Variants in PRRC2B observed in about 807,000 individuals in gnomAD.
PRRC2B encodes the protein proline rich coiled-coil 2B.
A neutral mutation model predicts 242.3 loss-of-function variants in PRRC2B; 68 were observed. The ratio of observed to expected loss-of-function variants is 0.28; its 90% CI spans 0.23 to 0.34. PRRC2B has a LOEUF of 0.34. Among genes scored for constraint, PRRC2B ranks in the 10% least tolerant of loss-of-function variants. PRRC2B has a pLI of 1.00. For missense variants in PRRC2B, 2,835 were observed against 2,954.8 expected (o/e 0.96, Z 0.94); for synonymous variants, 1,228 against 1,173.6 (o/e 1.05, Z -0.95).
chr9:131,455,835 G>A (rs1351318093), intron 10 of PRRC2B, among the ~76,000 whole-genome samples: 2 of 152,048 alleles, frequency 1.3e-5, no homozygotes, highest in African/African-American at 2.4e-5. Context: ...ACTGGGGGCC[G>A]GGCACGGCGG....
chr9:131,402,945 C>T (rs781178064), intron 1 of PRRC2B, among the ~76,000 whole-genome samples: 26 of 152,158 alleles, frequency 1.7e-4, no homozygotes, highest in Non-Finnish European at 3.7e-4. Context: ...TCCGGGAAGC[C>T]GGCGTCAACT....
chr9:131,405,413 C>T (rs1837335031), intron 1 of PRRC2B, among the ~76,000 whole-genome samples: 1 of 152,208 alleles, frequency 6.6e-6, no homozygotes, highest in Admixed American at 6.5e-5. Flanking sequence ...TTTCTCATAG[C>T]CCCGTCTTTC....
At chr9:131,471,327 T>A (rs1301472978) in intron 14 of PRRC2B, among the ~76,000 whole-genome samples, 1 of 152,232 alleles carries the variant, frequency 6.6e-6, no homozygotes, top group Non-Finnish European at 1.5e-5. Flanking sequence ...AGTGCCTTTT[T>A]AAAATCAGTA....
rs750878951 is a variant in PRRC2B, at chr9:131,474,721, A to G, written c.2592A>G (p.Lys864=). 6.2e-7 allele frequency: 1 copy of G among 1,612,672 alleles called. No individual in the cohort carries two copies. Among genetic ancestry groups the G allele is most frequent in the Non-Finnish European group, 8.5e-7 (1 of 1,179,454 alleles). The change falls in exon 16 of 32, where the codon AAA becomes AAG. Residue 864 remains lysine, a synonymous_variant. Coordinates refer to ENST00000683519, the MANE Select transcript of PRRC2B (RefSeq NM_013318.4). ...AGCCTGACTTTGTCCCAGATGAGAA[A>G]AAGCCAGAGTGTGGCAGTTGGGATG... is the stretch of plus-strand genomic sequence containing the variant. ...PLEPDFVPDE[K]KPECGSWDVS... is the part of the protein sequence containing the mutation.
At chr9:131,489,825 C>CTT (rs1332479672) in intron 28 of PRRC2B, among the ~76,000 whole-genome samples, 5 of 152,146 alleles carry the variant, frequency 3.3e-5, no homozygotes, top group African/African-American at 1.2e-4. Context: ...AGACGAGCTG[C>CTT]AGTGCTGACC....
intron 1 of PRRC2B, among the ~76,000 whole-genome samples, chr9:131,405,723 G>A (rs1837343680): frequency 6.6e-6 from 1 of 152,134 alleles, no homozygotes; most frequent in Admixed American, 6.6e-5. Context: ...GGCTCCTGGG[G>A]GGGTTATTGT....
At chr9:131,481,952 A>G (rs1407718914) in intron 20 of PRRC2B, 144 bp downstream of exon 20, 1 of 752,768 alleles carries the variant, frequency 1.3e-6, no homozygotes, top group Non-Finnish European at 2.3e-6. Context: ...CATGGGGCCA[A>G]GCTCATCAGT....
chr9:131,396,949 A>G (rs571809269), intron 1 of PRRC2B, among the ~76,000 whole-genome samples: 62 of 152,246 alleles, frequency 4.1e-4, no homozygotes, highest in African/African-American at 1.4e-3. Flanking sequence ...TCTGCATTTT[A>G]TTGGGGAATT....
At chr9:131,445,854 A>C (rs1838783679) in intron 6 of PRRC2B, among the ~76,000 whole-genome samples, 1 of 152,262 alleles carries the variant, frequency 6.6e-6, no homozygotes, top group Non-Finnish European at 1.5e-5. Context: ...AAGACAGGTC[A>C]GCAGGTTTCC....
At chr9:131,395,771 G>C (rs984289070) in intron 1 of PRRC2B, among the ~76,000 whole-genome samples, 8 of 152,240 alleles carry the variant, frequency 5.3e-5, no homozygotes, top group African/African-American at 1.4e-4. Flanking sequence ...CGCTTATACA[G>C]TGCTGAGCCT....
Position 131,475,325 on chromosome 9 carries a change from G to C in PRRC2B, c.3196G>C (p.Gly1066Arg), listed in dbSNP as rs768495077. The C allele has an allele frequency of 3.1e-6, 5 of 1,595,226 alleles. No individual in the cohort carries two copies. Among genetic ancestry groups the C allele is most frequent in the Non-Finnish European group, 4.3e-6 (5 of 1,171,754 alleles). The change falls in exon 16 of 32, where the codon GGC becomes CGC. Residue 1066 changes from glycine to arginine, a missense_variant. This residue lies in a region of PRRC2B where 1,536 missense variants were observed against 1,483.1 expected (regional missense o/e 1.04). Transcript: ENST00000683519. ...CTTTGGGGTCAGAGGACAGGCCCGG[G>C]GCCGGGGCCGTGGTTTCAGAGAGTT... ...QAFGVRGQARGRGRGFREFTF... is the reference protein window; with the variant it reads ...QAFGVRGQARRRGRGFREFTF...
chr9:131,417,478 C>T lies in PRRC2B; in HGVS notation c.-51-12616C>T, dbSNP rs141156447. On this transcript the variant is annotated intron_variant, in intron 1 of 31. Transcript: ENST00000683519. ...CCCCACATCTGAGTTCCCACCTTCCCCTTTCATGCAAGGTGCCTGCCACCT... is the reference window on the plus strand; with the variant it reads ...CCCCACATCTGAGTTCCCACCTTCCTCTTTCATGCAAGGTGCCTGCCACCT... Among the ~76,000 whole-genome samples the T allele has an allele frequency of 4.2e-3, 636 of 152,226 alleles. 5 individuals are homozygous for T. Among genetic ancestry groups the T allele is most frequent in the African/African-American group, 0.015 (606 of 41,538 alleles).
At chr9:131,420,471 T>TCTTTCTCTCTTTCTCTCTTTCTC (rs1288013182) in intron 1 of PRRC2B, among the ~76,000 whole-genome samples, 37 of 19,738 alleles carry the variant, frequency 1.9e-3, no homozygotes, top group Admixed American at 2.7e-3. Context: ...CTTTCTTTCT[T>TCTTTCTCTCTTTCTCTCTTTCTC]TCTTTCTTTC....
chr9:131,473,503 T>C lies in PRRC2B; in HGVS notation c.2108-5T>C. On this transcript the variant is annotated splice_region_variant and splice_polypyrimidine_tract_variant and intron_variant, in intron 14 of 31. Coordinates refer to ENST00000683519, the MANE Select transcript of PRRC2B (RefSeq NM_013318.4). Reference sequence around the variant, plus strand: ...ATGATGTAGATCAGTCTTTGCCTTCTTCAGGACTGATGAAGCCCATGATGC... The same window carrying C: ...ATGATGTAGATCAGTCTTTGCCTTCCTCAGGACTGATGAAGCCCATGATGC... 5 of 1,587,704 alleles carry C rather than the reference T, an allele frequency of 3.1e-6. No individual in the cohort carries two copies. Among genetic ancestry groups the C allele is most frequent in the South Asian group, 1.1e-5 (1 of 87,458 alleles).
chr9:131,388,303 C>T (rs145533190), intron 1 of PRRC2B, among the ~76,000 whole-genome samples: 3,830 of 137,862 alleles, frequency 0.028, 201 homozygotes, highest in African/African-American at 0.094. Flanking sequence ...TGCAGTGGTG[C>T]AATCTTGGCT....
intron 1 of PRRC2B, among the ~76,000 whole-genome samples, chr9:131,428,280 G>A (rs1212811865): frequency 6.6e-6 from 1 of 151,876 alleles, no homozygotes; most frequent in African/African-American, 2.4e-5. Flanking sequence ...GAGTACAGTG[G>A]CCTGATCATA....
intron 9 of PRRC2B, among the ~76,000 whole-genome samples, chr9:131,450,267 A>ATT (rs368794681): frequency 1.3e-4 from 19 of 145,478 alleles, no homozygotes; most frequent in African/African-American, 1.8e-4. Context: ...GACATCTTAA[A>ATT]TTTTTTTTTT....
rs920719720 is a variant in PRRC2B at position 131,496,483 on chromosome 9, C to T, written c.*609C>T. On this transcript the variant is annotated 3_prime_UTR_variant, in exon 32 of 32. Transcript: ENST00000683519. ...GAGGTGACTCTTAAGAATGCATCCC[C>T]TCCTGATTCCTCAGCTGGTTCACCC... 6.6e-6 allele frequency: 1 copy of T among 152,232 alleles called. No homozygotes were observed. Among genetic ancestry groups the T allele is most frequent in the Non-Finnish European group, 1.5e-5 (1 of 68,064 alleles). The allele number at this position is 152,232 out of a possible 1,614,324, so 9.4% of individuals were successfully genotyped here. A position where few individuals can be genotyped will look rare whatever the true frequency, so the allele number is the denominator to read the frequency against.
rs761989621 is a variant in PRRC2B, at chr9:131,444,194, G to A, written c.479G>A (p.Gly160Asp). The A allele has an allele frequency of 1.9e-6, 3 of 1,613,950 alleles. No individual in the cohort carries two copies. The highest frequency in any genetic ancestry group is 8.5e-7 in the Non-Finnish European group (1 of 1,179,876). The change falls in exon 6 of 32, where the codon GGC (glycine) becomes GAC (aspartate). Residue 160 changes from glycine to aspartate, a missense_variant. Coordinates refer to ENST00000683519, the MANE Select transcript of PRRC2B (RefSeq NM_013318.4). ...CCCGTCTTCTTGACAGGTTTAAGGG[G>A]CTCAAGCCGACTGTTATCCTTCTCT... ...KPVGHEGGLR[G>D]SSRLLSFSPE... is the part of the protein sequence containing the mutation.
Sources: allele counts gnomAD v4.1 joint callset (sites outside exome capture counted in the v4.1 genomes callset), GRCh38; gene constraint gnomAD v4.1.1; regional missense constraint gnomAD v4.1.1; transcripts MANE v1.5; gene names NCBI Gene and HGNC (gene_info 2026-07-23, HGNC 2026-07-21).